The following SLC25A21 variants were observed in gnomAD, a reference collection of about 807,000 sequenced individuals.
SLC25A21 encodes solute carrier family 25 member 21.
A neutral mutation model predicts 43.8 loss-of-function variants in SLC25A21; 47 were observed. The observed-to-expected ratio is 1.07, with a 90% CI of 0.85 to 1.37. The LOEUF is 1.37. SLC25A21 is among the 40% of genes most tolerant of loss of function. SLC25A21 has a pLI of 0.00. For synonymous variants in SLC25A21, 131 were observed against 121.3 expected, an observed-to-expected ratio of 1.08 and a Z score of -0.52; for missense variants, 352 against 350.2, an observed-to-expected ratio of 1.00 and a Z score of -0.04.
At chr14:37,049,119 A>G (rs1277968186) in intron 1 of SLC25A21, among the ~76,000 whole-genome samples, 1 of 152,248 alleles carries the variant, frequency 6.6e-6, no homozygotes, top group Non-Finnish European at 1.5e-5. Context: ...AGCCAGAGTT[A>G]AGAACTACTC....
intron 1 of SLC25A21, among the ~76,000 whole-genome samples, chr14:37,054,851 G>C (rs1490581460): frequency 6.6e-6 from 1 of 152,154 alleles, no homozygotes; most frequent in African/African-American, 2.4e-5. Flanking sequence ...GAATGGCTTT[G>C]GAGCAAATAT....
chr14:37,154,938 G>A (rs928790763), intron 1 of SLC25A21, among the ~76,000 whole-genome samples: 28 of 152,106 alleles, frequency 1.8e-4, no homozygotes, highest in East Asian at 1.9e-4. Context: ...CACCACGCCC[G>A]GCCGATATCT....
rs376215693 is a variant in SLC25A21, at chr14:37,014,930, G to A, written c.71-139926C>T. 8.8e-4 allele frequency among the ~76,000 whole-genome samples: 134 copies of A among 152,168 alleles called. 1 individual carries two copies. In the South Asian group the frequency reaches 0.027, roughly 31 times the overall value. On this transcript the variant is annotated intron_variant, in intron 1 of 9. Transcript: ENST00000331299. ...AAGAAATCTGTTTTTCTTGGCAGTA[G>A]GTCTTCATTGTGGGCTTAAGATATT...
At position 36,680,327 on chromosome 14, in the gene SLC25A21, T is replaced by G; in HGVS notation, c.*331A>C. ...AAAAATGCTGATCAATACAATGAAT[T>G]TTCATTGTGAAGCATTGAAGAGGAA... On this transcript the variant is annotated 3_prime_UTR_variant, in exon 10 of 10. Transcript: ENST00000331299. The G allele has an allele frequency of 9.9e-7, 1 of 1,006,596 alleles. No homozygotes were observed. The highest frequency in any genetic ancestry group is 1.2e-6 in the Non-Finnish European group (1 of 843,926). The allele number at this position is 1,006,596 out of a possible 1,614,324, so 62.4% of individuals were successfully genotyped here.
chr14:37,136,265 G>A (rs1481017752), intron 1 of SLC25A21, among the ~76,000 whole-genome samples: 1 of 152,136 alleles, frequency 6.6e-6, no homozygotes, highest in African/African-American at 2.4e-5. Context: ...GTCAAATTAT[G>A]AGTTTATCTC....
intron 1 of SLC25A21, among the ~76,000 whole-genome samples, chr14:36,999,618 G>A (rs989269961): frequency 1.3e-5 from 2 of 152,122 alleles, no homozygotes; most frequent in African/African-American, 4.8e-5. Context: ...TGGAAGTAGA[G>A]GGTATATGAG....
chr14:37,144,440 T>C (rs1444209065), intron 1 of SLC25A21, among the ~76,000 whole-genome samples: 3 of 152,182 alleles, frequency 2.0e-5, no homozygotes, highest in Admixed American at 6.5e-5. Context: ...TGAACCAAAT[T>C]ATTTGATAGA....
intron 1 of SLC25A21, among the ~76,000 whole-genome samples, chr14:37,118,797 T>G (rs1057339051): frequency 6.6e-6 from 1 of 151,890 alleles, no homozygotes. Context: ...TTACAATAAT[T>G]TTTTTTTAAT....
chr14:37,086,363 G>T (rs527556544), intron 1 of SLC25A21, among the ~76,000 whole-genome samples: 35 of 152,228 alleles, frequency 2.3e-4, no homozygotes, highest in African/African-American at 8.2e-4. Flanking sequence ...TGTTAGTCAT[G>T]TGCTAGGATA....
intron 2 of SLC25A21, among the ~76,000 whole-genome samples, chr14:36,850,596 T>C (rs79481461): frequency 0.014 from 2,059 of 152,272 alleles, 45 homozygotes; most frequent in African/African-American, 0.047. Flanking sequence ...AAAAATGATG[T>C]TCACCAGCAT....
intron 1 of SLC25A21, among the ~76,000 whole-genome samples, chr14:37,012,811 AC>A (rs1960761298): frequency 6.6e-6 from 1 of 152,190 alleles, no homozygotes; most frequent in Non-Finnish European, 1.5e-5. Flanking sequence ...TAGAAGAATC[AC>A]CACAAAGAAT....
intron 1 of SLC25A21, among the ~76,000 whole-genome samples, chr14:36,927,092 C>T (rs1279091686): frequency 1.3e-5 from 2 of 152,110 alleles, no homozygotes; most frequent in Non-Finnish European, 2.9e-5. Flanking sequence ...GTCGCTTGAA[C>T]CTGGGAGGCA....
chr14:36,839,595 A>G (rs961320875), intron 2 of SLC25A21, among the ~76,000 whole-genome samples: 91 of 152,376 alleles, frequency 6.0e-4, no homozygotes, highest in Non-Finnish European at 7.8e-4. Context: ...GACAAGTACA[A>G]TTTGCAGAAA....
At chr14:36,953,016 TGCTA>T (rs1413432304) in intron 1 of SLC25A21, among the ~76,000 whole-genome samples, 1 of 152,266 alleles carries the variant, frequency 6.6e-6, no homozygotes, top group Non-Finnish European at 1.5e-5. Context: ...TTTATCATTT[TGCTA>T]TTCTACCTCT....
intron 2 of SLC25A21, among the ~76,000 whole-genome samples, chr14:36,837,665 G>T (rs1594629649): frequency 1.3e-5 from 2 of 152,078 alleles, no homozygotes; most frequent in African/African-American, 4.8e-5. Flanking sequence ...GACCTAGGCT[G>T]GGATTGGAGA....
At chr14:36,893,737 G>A (rs1264084422) in intron 1 of SLC25A21, among the ~76,000 whole-genome samples, 2 of 152,118 alleles carry the variant, frequency 1.3e-5, no homozygotes, top group African/African-American at 4.8e-5. Flanking sequence ...GTAAGGAAGG[G>A]ATCCAGTTTC....
chr14:37,023,582 T>G (rs938699928), intron 1 of SLC25A21, among the ~76,000 whole-genome samples: 3 of 151,984 alleles, frequency 2.0e-5, no homozygotes, highest in Admixed American at 6.6e-5. Context: ...ATCAATAACT[T>G]TCTTCTGAAA....
intron 1 of SLC25A21, among the ~76,000 whole-genome samples, chr14:36,988,192 C>T (rs749150841): frequency 2.6e-5 from 4 of 152,116 alleles, no homozygotes; most frequent in South Asian, 2.1e-4. Context: ...GTAAGCCTCA[C>T]GAGACTTATT....
At chr14:37,150,379 A>G (rs1963738218) in intron 1 of SLC25A21, among the ~76,000 whole-genome samples, 1 of 152,246 alleles carries the variant, frequency 6.6e-6, no homozygotes, top group Admixed American at 6.5e-5. Flanking sequence ...CATAAAGAAA[A>G]TAAATATTAT....
Sources: gnomAD v4.1 joint callset for allele counts (sites outside exome capture counted in the v4.1 genomes callset) on GRCh38, gnomAD v4.1.1 for gene constraint, MANE v1.5 for transcripts, NCBI Gene and HGNC (gene_info 2026-07-23, HGNC 2026-07-21) for gene names.